The following NAV3 variants were observed in gnomAD, a reference collection of about 807,000 sequenced individuals.
The protein encoded by NAV3 is pore membrane and/or filament interacting like protein 1.
Under a neutral mutation model 244.7 loss-of-function variants are expected in NAV3, and 87 were observed. That is an observed-to-expected ratio of 0.36 (90% CI 0.30 to 0.42). The LOEUF (loss-of-function observed/expected upper bound fraction) is 0.42, where lower values mean the gene tolerates loss of function less well. NAV3 is among the 20% of genes least tolerant of loss of function. The pLI, the probability that NAV3 is intolerant of heterozygous loss-of-function variation, is 1.00. For synonymous variants in NAV3, 1,126 were observed against 1,042.2 expected, an observed-to-expected ratio of 1.08 and a Z score of -1.55; for missense variants, 2,663 against 2,893.3, an observed-to-expected ratio of 0.92 and a Z score of 1.83.
chr12:77,764,161 T>A (rs994055642), intron 2 of NAV3, among the ~76,000 whole-genome samples: 3 of 152,250 alleles, frequency 2.0e-5, no homozygotes, highest in African/African-American at 7.2e-5. Context: ...CATTTTTAGA[T>A]GCAGTTCTCT....
At chr12:77,697,036 G>A (rs1875338314) in intron 2 of NAV3, among the ~76,000 whole-genome samples, 1 of 152,128 alleles carries the variant, frequency 6.6e-6, no homozygotes, top group Non-Finnish European at 1.5e-5. Context: ...TTATTATAGA[G>A]CTGTGTTTCT....
At chr12:77,805,999 G>A (rs983972897) in intron 2 of NAV3, among the ~76,000 whole-genome samples, 3 of 152,130 alleles carry the variant, frequency 2.0e-5, no homozygotes, top group African/African-American at 7.2e-5. Context: ...ATTTCTGTGG[G>A]ATCAGTTGTG....
intron 1 of NAV3, among the ~76,000 whole-genome samples, chr12:77,868,003 T>C (rs1880341831): frequency 6.6e-6 from 1 of 152,202 alleles, no homozygotes. Context: ...AGGCACATGG[T>C]CTGAATTGTA....
chr12:77,713,413 G>T (rs1395922257), intron 2 of NAV3, among the ~76,000 whole-genome samples: 2 of 152,052 alleles, frequency 1.3e-5, no homozygotes, highest in African/African-American at 4.8e-5. Context: ...TGTGTATTCA[G>T]TTTTATATAC....
chr12:77,995,274 G>A (rs1593226336), intron 6 of NAV3, among the ~76,000 whole-genome samples: 1 of 152,082 alleles, frequency 6.6e-6, no homozygotes. Context: ...AAAAACATTG[G>A]CAGATTTTAG....
At chr12:78,206,758 C>A (rs1248838599) in intron 39 of NAV3, among the ~76,000 whole-genome samples, 1 of 151,696 alleles carries the variant, frequency 6.6e-6, no homozygotes, top group African/African-American at 2.4e-5. Context: ...GTCTTACATG[C>A]TAAATGGTAA....
At chr12:77,588,280 A>ATTTTT (rs763504825) in intron 2 of NAV3, among the ~76,000 whole-genome samples, 4 of 141,996 alleles carry the variant, frequency 2.8e-5, no homozygotes, top group Non-Finnish European at 6.4e-5. Flanking sequence ...TATCCAGCTG[A>ATTTTT]TTTTTTTATT....
chr12:77,762,622 A>T (rs1331328123), intron 2 of NAV3, among the ~76,000 whole-genome samples: 1 of 152,032 alleles, frequency 6.6e-6, no homozygotes, highest in East Asian at 1.9e-4. Flanking sequence ...AAAAAAAATT[A>T]AAAAGATGAC....
At chr12:77,773,577 A>G (rs1223049749) in intron 2 of NAV3, among the ~76,000 whole-genome samples, 1 of 152,162 alleles carries the variant, frequency 6.6e-6, no homozygotes, top group African/African-American at 2.4e-5. Flanking sequence ...CTCAGTAAAA[A>G]CTAAGAGAAA....
chr12:78,014,971 C>T (rs1478713724), intron 8 of NAV3, among the ~76,000 whole-genome samples: 1 of 152,048 alleles, frequency 6.6e-6, no homozygotes, highest in African/African-American at 2.4e-5. Flanking sequence ...TTTGCATTTC[C>T]TCGCACAGCG....
chr12:78,111,445 G>A (rs1955088658), intron 12 of NAV3, among the ~76,000 whole-genome samples: 3 of 151,784 alleles, frequency 2.0e-5, no homozygotes, highest in Admixed American at 2.0e-4. Flanking sequence ...ATAAAAATGT[G>A]GTCAAAGGAT....
chr12:77,627,169 T>C (rs1871668174), intron 2 of NAV3, among the ~76,000 whole-genome samples: 1 of 152,036 alleles, frequency 6.6e-6, no homozygotes, highest in Admixed American at 6.6e-5. Flanking sequence ...AAGATACACA[T>C]TGACTGAAAG....
rs138100463 is a variant in NAV3 at position 77,901,750 on chromosome 12, C to A, written c.244-38569C>A. 4.7e-3 allele frequency among the ~76,000 whole-genome samples: 709 copies of A among 152,160 alleles called. 10 individuals carry two copies. Among genetic ancestry groups the A allele is most frequent in the Non-Finnish European group, 6.8e-3 (461 of 67,970 alleles). On this transcript the variant is annotated intron_variant, in intron 1 of 39. Coordinates refer to ENST00000397909, the MANE Select transcript of NAV3 (RefSeq NM_001024383.2). ...AGAAAGGTAAGGGTCCAGTTTCATT[C>A]TTCTTCGTATGGCCCATGGCTGCCT...
chr12:77,909,391 T>G (rs925450963), intron 1 of NAV3, among the ~76,000 whole-genome samples: 2 of 151,742 alleles, frequency 1.3e-5, no homozygotes, highest in African/African-American at 4.8e-5. Flanking sequence ...TAGTGAATAC[T>G]GATAGGAAGA....
At position 78,006,552 on chromosome 12, in the gene NAV3, T is replaced by G. The variant is rs2136559576; in HGVS notation, c.1014T>G (p.Asn338Lys). Residue 338 changes from asparagine to lysine, a missense_variant, in exon 8 of 40, where the codon AAT (asparagine) becomes AAG (lysine). Transcript: ENST00000397909. ...AGCCCTGGCGCAGCAAGTCCATGAATGTCAAACACAGTGCCACCTCCACCA... is the reference window on the plus strand; with the variant it reads ...AGCCCTGGCGCAGCAAGTCCATGAAGGTCAAACACAGTGCCACCTCCACCA... ...ASKPWRSKSMNVKHSATSTML... is the reference protein window; with the variant it reads ...ASKPWRSKSMKVKHSATSTML... 6.2e-7 allele frequency: 1 copy of G among 1,614,060 alleles called. No individual in the cohort carries two copies. The highest frequency in any genetic ancestry group is 8.5e-7 in the Non-Finnish European group (1 of 1,180,006).
intron 2 of NAV3, among the ~76,000 whole-genome samples, chr12:77,770,359 C>A (rs910547377): frequency 2.6e-5 from 4 of 152,072 alleles, no homozygotes; most frequent in Non-Finnish European, 4.4e-5. Flanking sequence ...TAGAGACCTC[C>A]CAGAGGTTTG....
chr12:77,596,028 A>G (rs143911784), intron 2 of NAV3, among the ~76,000 whole-genome samples: 15 of 152,310 alleles, frequency 9.8e-5, no homozygotes, highest in Non-Finnish European at 1.3e-4. Flanking sequence ...TTGTCATTCA[A>G]TTATCTGGTC....
rs2136076879 is a variant in NAV3, at chr12:77,831,567, C to T, written c.106C>T (p.His36Tyr). The change falls in exon 1 of 40, where the codon CAC (histidine) becomes TAC (tyrosine). Residue 36 changes from histidine to tyrosine, a missense_variant. His to Tyr is a moderately conservative substitution (Grantham distance 83). Coordinates refer to ENST00000397909, the MANE Select transcript of NAV3 (RefSeq NM_001024383.2). ...AAATCTTGGCACTACTGGGTCACAG[C>T]ACTGTTCTTCAAGACCTTTGGAACT... is the stretch of plus-strand genomic sequence containing the variant. ...IPNLGTTGSQ[H>Y]CSSRPLELTE... The T allele has an allele frequency of 6.2e-7, 1 of 1,614,084 alleles. No individual in the cohort carries two copies. Among genetic ancestry groups the T allele is most frequent in the Non-Finnish European group, 8.5e-7 (1 of 1,179,976 alleles).
chr12:77,890,770 A>G (rs1344666527), intron 1 of NAV3, among the ~76,000 whole-genome samples: 3 of 152,204 alleles, frequency 2.0e-5, no homozygotes, highest in African/African-American at 4.8e-5. Context: ...TTACTTCACA[A>G]TAAGTATTCA....
Sources: allele counts gnomAD v4.1 joint callset (sites outside exome capture counted in the v4.1 genomes callset), GRCh38; gene constraint gnomAD v4.1.1; transcripts MANE v1.5; gene names NCBI Gene and HGNC (gene_info 2026-07-23, HGNC 2026-07-21).